Variants in LIPG observed in about 807,000 individuals in gnomAD.
The protein encoded by LIPG is lipase G, endothelial type, also known as endothelial lipase.
LIPG carries 34 observed loss-of-function variants against 51.8 expected under a neutral mutation model. That is an observed-to-expected ratio of 0.66 (90% CI 0.50 to 0.87). The LOEUF (loss-of-function observed/expected upper bound fraction) is 0.87, where lower values mean the gene tolerates loss of function less well. LIPG is among the 40% of genes least tolerant of loss of function. LIPG has a pLI of 0.00. For missense variants in LIPG, 580 were observed against 652.7 expected (o/e 0.89, Z 1.21); for synonymous variants, 246 against 246.1 (o/e 1.00, Z 0.00).
intron 5 of LIPG, among the ~76,000 whole-genome samples, chr18:49,578,902 C>G (rs1327457896): frequency 1.4e-5 from 2 of 146,914 alleles, no homozygotes; most frequent in African/African-American, 2.5e-5. Context: ...ATCGCAGGCA[C>G]TCGGCAGGCT....
intron 4 of LIPG, 75 bp from the exon 5 acceptor site, chr18:49,575,294 C>A: frequency 1.7e-6 from 2 of 1,179,626 alleles, no homozygotes; most frequent in Non-Finnish European, 1.3e-6. Flanking sequence ...CACACTCAGA[C>A]TTAACTTGTA....
chr18:49,589,119 A>G (rs1159002660), intron 9 of LIPG, among the ~76,000 whole-genome samples: 1 of 151,878 alleles, frequency 6.6e-6, no homozygotes, highest in African/African-American at 2.4e-5. Flanking sequence ...CAGATGAATC[A>G]CCTCGCGTCT....
At chr18:49,578,602 C>T (rs2084759590) in intron 5 of LIPG, among the ~76,000 whole-genome samples, 2 of 151,788 alleles carry the variant, frequency 1.3e-5, no homozygotes, top group South Asian at 4.2e-4. Context: ...GGAGACACTC[C>T]TCACTTCCCA....
intron 5 of LIPG, among the ~76,000 whole-genome samples, chr18:49,577,655 C>CA (rs2084735488): frequency 7.1e-6 from 1 of 139,872 alleles, no homozygotes; most frequent in African/African-American, 2.9e-5. Flanking sequence ...GGCTGACCCC[C>CA]CCACCTCCCT....
chr18:49,581,425 G>C lies in LIPG; in HGVS notation c.804G>C (p.Glu268Asp). The C allele has an allele frequency of 1.2e-6, 2 of 1,614,216 alleles. No homozygotes were observed. Residue 268 changes from glutamate to aspartate, a missense_variant, in exon 6 of 10, where the codon GAG becomes GAC. By Grantham distance (45) the Glu-to-Asp change is conservative. Coordinates refer to ENST00000261292, the MANE Select transcript of LIPG (RefSeq NM_006033.4). ...CTCTCCCACCCCCAGCAATCACAGA[G>C]GTGGTAAAATGTGAGCATGAGCGAG... is the stretch of plus-strand genomic sequence containing the variant. ...LGSIAYGTIT[E>D]VVKCEHERAV...
intron 2 of LIPG, 37 bp downstream of exon 2, chr18:49,565,535 G>T (rs753111407): frequency 1.2e-6 from 2 of 1,609,114 alleles, no homozygotes; most frequent in East Asian, 2.2e-5. Flanking sequence ...CTTTATATAA[G>T]ATTTGATTCC....
At chr18:49,586,695 T>C in intron 8 of LIPG, 51 bp from the exon 9 acceptor site, 9 of 1,328,158 alleles carry the variant, frequency 6.8e-6, no homozygotes, top group Non-Finnish European at 9.8e-6. Context: ...AAAGCACAGC[T>C]GGATTCCCCC....
chr18:49,565,977 G>A (rs891182941), intron 2 of LIPG, among the ~76,000 whole-genome samples: 2 of 152,188 alleles, frequency 1.3e-5, no homozygotes, highest in African/African-American at 2.4e-5. Flanking sequence ...GGCTCTTTAT[G>A]TGCCCTAGCT....
At chr18:49,561,658 G>C (rs930052370), upstream of LIPG, 125 of 1,236,254 alleles carry the variant, frequency 1.0e-4, no homozygotes, top group Non-Finnish European at 1.3e-4. Flanking sequence ...CACTCCCAGA[G>C]AGAGTGTGGC....
Position 49,582,409 on chromosome 18 carries a change from G to A in LIPG, c.1084G>A (p.Gly362Arg). 1 of 1,614,126 alleles carries A rather than the reference G, an allele frequency of 6.2e-7. No homozygotes were observed. The highest frequency in any genetic ancestry group is 2.2e-5 in the East Asian group (1 of 44,886). ...KIHVFSYKNM[G>R]EIEPTFYVTL... ...CCATGTCTTCAGTTACAAGAACATG[G>A]GAGAAATTGAGCCCACCTTTTACGT... is the stretch of plus-strand genomic sequence containing the variant. Residue 362 changes from glycine (G) to arginine (R), a missense_variant, in exon 7 of 10, where the codon GGA (glycine) becomes AGA (arginine). Physicochemically the swap from Gly to Arg is moderately radical, Grantham distance 125 (BLOSUM62 -2). Coordinates refer to ENST00000261292, the MANE Select transcript of LIPG (RefSeq NM_006033.4).
Position 49,565,326 on chromosome 18 carries a change from A to T in LIPG, c.107A>T (p.His36Leu), listed in dbSNP as rs559112372. 2 of 1,614,062 alleles carry T rather than the reference A, an allele frequency of 1.2e-6. No individual in the cohort carries two copies. Among genetic ancestry groups the T allele is most frequent in the Non-Finnish European group, 8.5e-7 (1 of 1,180,006 alleles). Residue 36 changes from histidine to leucine, a missense_variant, in exon 2 of 10, where the codon CAC (histidine) becomes CTC (leucine). Physicochemically the swap from His to Leu is moderately conservative, Grantham distance 99 (BLOSUM62 -3). Transcript: ENST00000261292. ...GPEGRLEDKL[H>L]KPKATQTEVK... ...TGTTCTGTCTCCCCAGATAAGCTCC[A>T]CAAACCCAAAGCTACACAGACTGAG...
In LIPG at chr18:49,581,645, A is replaced by G. The variant is rs1345652706; in HGVS notation, c.1024A>G (p.Met342Val). The change falls in exon 6 of 10, where the codon ATG becomes GTG. Residue 342 changes from methionine to valine, a missense_variant. Transcript: ENST00000261292. Reference protein sequence around the residue: ...SKMYLKTRAGMPFRVYHYQMK... With the variant: ...SKMYLKTRAGVPFRVYHYQMK... ...AATGTACCTAAAAACCCGGGCAGGC[A>G]TGCCTTTCAGAGGTAACCTTCAGTC... The G allele has an allele frequency of 6.2e-7, 1 of 1,613,612 alleles. No homozygotes were observed. Among genetic ancestry groups the G allele is most frequent in the Non-Finnish European group, 8.5e-7 (1 of 1,180,054 alleles).
rs2084980733 is a variant in LIPG at position 49,596,080 on chromosome 18, GAC to G, written c.*5563_*5564del. 6.6e-6 allele frequency: 1 copy of G among 152,042 alleles called. No individual in the cohort carries two copies. Among genetic ancestry groups the G allele is most frequent in the Non-Finnish European group, 1.5e-5 (1 of 68,026 alleles). 9.4% of individuals were successfully genotyped at this position (152,042 alleles called of 1,614,324 possible). On this transcript the variant is annotated 3_prime_UTR_variant, in exon 10 of 10. Transcript: ENST00000261292. ...AATAATCTGTACAGCAAACTCCTGT[GAC>G]ACACCATTTAACTACATAACAAACC...
rs34597464 is a variant in LIPG, at chr18:49,576,457, C to CTTTTTTTTTTTTTTTTTTTT, written c.793+875_793+894dup. Among the ~76,000 whole-genome samples the CTTTTTTTTTTTTTTTTTTTT allele has an allele frequency of 3.9e-4, 20 of 51,526 alleles. 6 individuals are homozygous for CTTTTTTTTTTTTTTTTTTTT. Among genetic ancestry groups the CTTTTTTTTTTTTTTTTTTTT allele is most frequent in the Admixed American group, 5.6e-4 (2 of 3,600 alleles). The allele number at this position is 51,526 out of a possible 152,430, so 33.8% of individuals were successfully genotyped here. A position where few individuals can be genotyped will look rare whatever the true frequency, so the allele number is the denominator to read the frequency against. ...TCTTTTTTTAAAAGACAGAATCTTG[C>CTTTTTTTTTTTTTTTTTTTT]TTTTTTTTTTTTTTTTTTTTTTTTT... On this transcript the variant is annotated intron_variant, in intron 5 of 9. Transcript: ENST00000261292.
rs779833907 is a variant in LIPG, at chr18:49,595,427, CAG to C, written c.*4909_*4910del. 7.2e-5 allele frequency: 11 copies of C among 152,222 alleles called. No homozygotes were observed. Among genetic ancestry groups the C allele is most frequent in the Admixed American group, 3.3e-4 (5 of 15,284 alleles). 9.4% of individuals were successfully genotyped at this position (152,222 alleles called of 1,614,324 possible). ...AGTCTCTATCTGCTCATTTAAGAAA[CAG>C]AGACAATACTGCTCAGGGTTGTTGT... On this transcript the variant is annotated 3_prime_UTR_variant, in exon 10 of 10. Coordinates refer to ENST00000261292, the MANE Select transcript of LIPG (RefSeq NM_006033.4).
At position 49,582,819 on chromosome 18, in the gene LIPG, C is replaced by T. The variant is rs117172986; in HGVS notation, c.1157+337C>T. Among the ~76,000 whole-genome samples, 1,472 of 152,352 alleles carry T rather than the reference C, an allele frequency of 9.7e-3. 16 individuals are homozygous for T. Among genetic ancestry groups the T allele is most frequent in the Non-Finnish European group, 0.017 (1,133 of 68,034 alleles). On this transcript the variant is annotated intron_variant, in intron 7 of 9. Coordinates refer to ENST00000261292, the MANE Select transcript of LIPG (RefSeq NM_006033.4). ...TTCAGGCAATCTGTAACTTCGTAAACGTCATCCCTGGACCTCTCCTAATGA... is the reference window on the plus strand; with the variant it reads ...TTCAGGCAATCTGTAACTTCGTAAATGTCATCCCTGGACCTCTCCTAATGA...
chr18:49,572,411 C>T (rs1401168480), intron 4 of LIPG, among the ~76,000 whole-genome samples: 1 of 152,078 alleles, frequency 6.6e-6, no homozygotes, highest in African/African-American at 2.4e-5. Context: ...CACATAGCAA[C>T]CCTGAACATT....
At position 49,562,286 on chromosome 18, in the gene LIPG, G is replaced by C; in HGVS notation, c.-23G>C. ...TTGTTTTTTAAAACTTCTGTTTCTT[G>C]GGAGGGGGTGTGGCGGGGCAGGATG... On this transcript the variant is annotated 5_prime_UTR_variant, in exon 1 of 10. Transcript: ENST00000261292. The C allele has an allele frequency of 1.2e-6, 2 of 1,612,740 alleles. No homozygotes were observed. The highest frequency in any genetic ancestry group is 1.7e-6 in the Non-Finnish European group (2 of 1,179,992).
chr18:49,589,200 C>G (rs2084915766), intron 9 of LIPG, among the ~76,000 whole-genome samples: 1 of 152,156 alleles, frequency 6.6e-6, no homozygotes, highest in Non-Finnish European at 1.5e-5. Context: ...TTTGCCACCC[C>G]CAAGGCTGCG....
Sources: gnomAD v4.1 joint callset for allele counts (sites outside exome capture counted in the v4.1 genomes callset) on GRCh38, gnomAD v4.1.1 for gene constraint, MANE v1.5 for transcripts, NCBI Gene and HGNC (gene_info 2026-07-23, HGNC 2026-07-21) for gene names.